The following CLMP variants were observed in gnomAD, a reference collection of about 807,000 sequenced individuals.
The protein encoded by CLMP is CXADR-like membrane protein.
Under a neutral mutation model 45.2 loss-of-function variants are expected in CLMP, and 27 were observed. The observed-to-expected ratio is 0.60, with a 90% CI of 0.44 to 0.82. The LOEUF is 0.82. Among genes scored for constraint, CLMP ranks in the 40% least tolerant of loss-of-function variants. The pLI, the probability that CLMP is intolerant of heterozygous loss-of-function variation, is 0.00. For synonymous variants in CLMP, 167 were observed against 171.4 expected, an observed-to-expected ratio of 0.97 and a Z score of 0.20; for missense variants, 403 against 448.4, an observed-to-expected ratio of 0.90 and a Z score of 0.91.
chr11:123,132,844 A>G (rs1861011623), intron 1 of CLMP, among the ~76,000 whole-genome samples: 1 of 151,144 alleles, frequency 6.6e-6, no homozygotes, highest in Non-Finnish European at 1.5e-5. Context: ...CAGTGGTGTG[A>G]TCTCCGCTCA....
intron 1 of CLMP, among the ~76,000 whole-genome samples, chr11:123,152,723 G>GA (rs906141221): frequency 1.3e-5 from 2 of 149,218 alleles, no homozygotes; most frequent in East Asian, 3.9e-4. Context: ...ACCCCCAGGG[G>GA]AAAAAATACA....
chr11:123,142,553 A>T (rs975316906), intron 1 of CLMP, among the ~76,000 whole-genome samples: 1 of 152,002 alleles, frequency 6.6e-6, no homozygotes, highest in African/African-American at 2.4e-5. Flanking sequence ...AGAAGGGGGA[A>T]CTTAGGAGTT....
chr11:123,100,384 A>C (rs1282275986), intron 1 of CLMP, among the ~76,000 whole-genome samples: 2 of 94,324 alleles, frequency 2.1e-5, no homozygotes, highest in African/African-American at 8.2e-5. Flanking sequence ...CCCTCTCAGA[A>C]AAAAAAAAAA....
At chr11:123,139,074 A>G (rs564437074) in intron 1 of CLMP, among the ~76,000 whole-genome samples, 97 of 152,266 alleles carry the variant, frequency 6.4e-4, no homozygotes, top group African/African-American at 2.2e-3. Context: ...GAACACAGCT[A>G]TACCCATTCA....
At chr11:123,160,910 G>A (rs369355281) in intron 1 of CLMP, among the ~76,000 whole-genome samples, 78 of 151,512 alleles carry the variant, frequency 5.1e-4, no homozygotes, top group African/African-American at 1.7e-3. Context: ...CCCAGGAGGT[G>A]GAGGTTGCAG....
intron 1 of CLMP, among the ~76,000 whole-genome samples, chr11:123,137,390 A>G (rs927469337): frequency 2.0e-5 from 3 of 151,370 alleles, no homozygotes; most frequent in Non-Finnish European, 4.4e-5. Context: ...AATTCAGAGG[A>G]CTCGCGTTTA....
At chr11:123,075,317 C>T (rs1429902451) in intron 5 of CLMP, among the ~76,000 whole-genome samples, 1 of 151,796 alleles carries the variant, frequency 6.6e-6, no homozygotes, top group Non-Finnish European at 1.5e-5. Flanking sequence ...TATGACCAAC[C>T]CTCTTGATAT....
chr11:123,119,157 C>T (rs1026198419), intron 1 of CLMP, among the ~76,000 whole-genome samples: 1 of 150,468 alleles, frequency 6.6e-6, no homozygotes, highest in Admixed American at 6.7e-5. Context: ...GATCTTGGCT[C>T]ACCACAACCT....
At position 123,100,149 on chromosome 11, in the gene CLMP, T is replaced by A. The variant is rs533516709; in HGVS notation, c.29-2197A>T. 3.3e-5 allele frequency among the ~76,000 whole-genome samples: 5 copies of A among 152,174 alleles called. No homozygotes were observed. The South Asian group carries it at 1.0e-3, about 32-fold the overall frequency. On this transcript the variant is annotated intron_variant, in intron 1 of 6. Transcript: ENST00000448775. ...ACTTTGGGAGGCTGAGGAGGGCAGA[T>A]CAACTGAGGTCAGGAGTTTGAGACC...
intron 1 of CLMP, among the ~76,000 whole-genome samples, chr11:123,130,166 G>A (rs1182056768): frequency 2.6e-5 from 4 of 152,188 alleles, no homozygotes; most frequent in African/African-American, 9.7e-5. Flanking sequence ...GAAAATTAGT[G>A]TTGGGGCTGG....
intron 1 of CLMP, among the ~76,000 whole-genome samples, chr11:123,136,952 T>G (rs1861082132): frequency 6.6e-6 from 1 of 151,988 alleles, no homozygotes. Flanking sequence ...CATTTGGTTT[T>G]AGATGTGACA....
intron 1 of CLMP, among the ~76,000 whole-genome samples, chr11:123,142,658 T>TG (rs1565395261): frequency 8.8e-6 from 1 of 113,746 alleles, no homozygotes; most frequent in African/African-American, 4.2e-5. Flanking sequence ...TCTCGCTCTG[T>TG]GCCCAGGCCG....
Position 123,122,577 on chromosome 11 carries a change from G to T in CLMP, c.29-24625C>A, listed in dbSNP as rs559797016. Among the ~76,000 whole-genome samples the T allele has an allele frequency of 6.6e-5, 10 of 152,220 alleles. No homozygotes were observed. In the South Asian group the frequency reaches 2.1e-3, roughly 32 times the overall value. ...AAGCTTTTCTGTTGCGACACCCTCT[G>T]CTCAGCATGATAGAAAAGGAGAAAA... On this transcript the variant is annotated intron_variant, in intron 1 of 6. Coordinates refer to ENST00000448775, the MANE Select transcript of CLMP (RefSeq NM_024769.5).
chr11:123,106,998 G>A (rs919008878), intron 1 of CLMP, among the ~76,000 whole-genome samples: 47 of 148,568 alleles, frequency 3.2e-4, no homozygotes, highest in African/African-American at 8.4e-4. Flanking sequence ...CAGCCTGGGC[G>A]ACAGAGCGAG....
chr11:123,119,270 A>G (rs867701545), intron 1 of CLMP, among the ~76,000 whole-genome samples: 2 of 151,586 alleles, frequency 1.3e-5, no homozygotes, highest in African/African-American at 4.8e-5. Context: ...TTTAGTAGAG[A>G]GGGGGTTTCT....
chr11:123,103,102 C>T (rs751460472), intron 1 of CLMP, among the ~76,000 whole-genome samples: 3 of 152,092 alleles, frequency 2.0e-5, no homozygotes, highest in Admixed American at 6.6e-5. Context: ...ACTCATTTAG[C>T]GGCAGAAATA....
At chr11:123,120,849 G>A (rs926954397) in intron 1 of CLMP, among the ~76,000 whole-genome samples, 3 of 151,964 alleles carry the variant, frequency 2.0e-5, no homozygotes, top group Non-Finnish European at 4.4e-5. Context: ...GTTTGGGGCC[G>A]GGCGCGGTGG....
chr11:123,159,719 C>T (rs987342390), intron 1 of CLMP, among the ~76,000 whole-genome samples: 1 of 152,102 alleles, frequency 6.6e-6, no homozygotes, highest in Non-Finnish European at 1.5e-5. Flanking sequence ...GGCTGTGGCA[C>T]CTTGAGTCTG....
intron 1 of CLMP, among the ~76,000 whole-genome samples, chr11:123,160,312 A>C (rs1861469659): frequency 6.7e-6 from 1 of 149,254 alleles, no homozygotes. Context: ...AAAGGAAAGT[A>C]AAAGAATTTA....
Sources: gnomAD v4.1 joint callset for allele counts (sites outside exome capture counted in the v4.1 genomes callset) on GRCh38, gnomAD v4.1.1 for gene constraint, MANE v1.5 for transcripts, NCBI Gene and HGNC (gene_info 2026-07-23, HGNC 2026-07-21) for gene names.